GPSM1: variants seen among roughly 807,000 people sequenced by gnomAD.
GPSM1 encodes the protein G protein-signaling modulator 1.
GPSM1 carries 48 observed loss-of-function variants against 70.5 expected under a neutral mutation model. That is an observed-to-expected ratio of 0.68 (90% CI 0.54 to 0.87). The LOEUF (loss-of-function observed/expected upper bound fraction) is 0.87. GPSM1 is among the 40% of genes least tolerant of loss of function. GPSM1 has a pLI of 0.00. For synonymous variants in GPSM1, 416 were observed against 430.1 expected, an observed-to-expected ratio of 0.97 and a Z score of 0.41; for missense variants, 981 against 972.6, an observed-to-expected ratio of 1.01 and a Z score of -0.11.
rs201621587 is a variant in GPSM1 at position 136,353,153 on chromosome 9, C to T, written c.1456-2537C>T. 1.2e-5 allele frequency: 12 copies of T among 978,384 alleles called. No homozygotes were observed. In the East Asian group the frequency reaches 5.6e-4, roughly 46 times the overall value. The allele number at this position is 978,384 out of a possible 1,614,324, so 60.6% of individuals were successfully genotyped here. ...GCTGCTGTGGAGACAGCCTGTGATCCGCGTGAGTCTGGGGTCCCTGGGGTC... is the reference window on the plus strand; with the variant it reads ...GCTGCTGTGGAGACAGCCTGTGATCTGCGTGAGTCTGGGGTCCCTGGGGTC... On this transcript the variant is annotated intron_variant, in intron 11 of 13. Coordinates refer to ENST00000440944, the MANE Select transcript of GPSM1 (RefSeq NM_001145638.3).
intron 1 of GPSM1, 111 bp from the exon 2 acceptor site, chr9:136,334,336 T>C (rs1832174395): frequency 7.0e-6 from 5 of 710,448 alleles, no homozygotes; most frequent in Non-Finnish European, 9.6e-6. Flanking sequence ...ACAGATGTGG[T>C]GTGTGCCCTA....
Position 136,341,060 on chromosome 9 carries a change from G to C in GPSM1, c.1207+67G>C. The C allele has an allele frequency of 6.4e-7, 1 of 1,552,568 alleles. No homozygotes were observed. Among genetic ancestry groups the C allele is most frequent in the Non-Finnish European group, 8.7e-7 (1 of 1,148,212 alleles). On this transcript the variant is annotated intron_variant, in intron 9 of 13. Coordinates refer to ENST00000440944, the MANE Select transcript of GPSM1 (RefSeq NM_001145638.3). The surrounding 1 kb of genome is among the most constrained non-coding windows in gnomAD (Gnocchi z 6.7). Reference sequence around the variant, plus strand: ...ACGGACCGCATCAGGAGCTGCGGAGGGGTGGGATCGAGGCCAGGCCAGCAT... The same window carrying C: ...ACGGACCGCATCAGGAGCTGCGGAGCGGTGGGATCGAGGCCAGGCCAGCAT...
rs1832913641 is a variant in GPSM1 at position 136,358,665 on chromosome 9, C to T, written c.*445C>T. 1.3e-5 allele frequency: 3 copies of T among 229,250 alleles called. No individual in the cohort carries two copies. Among genetic ancestry groups the T allele is most frequent in the South Asian group, 1.2e-4 (2 of 16,956 alleles). 14.2% of individuals were successfully genotyped at this position (229,250 alleles called of 1,614,324 possible). ...CCCCCAGAGCTGGTCTTGGGATGGC[C>T]GTGTGACAGGCATGCTCCACCCCTC... On this transcript the variant is annotated 3_prime_UTR_variant, in exon 14 of 14. Transcript: ENST00000440944.
chr9:136,332,462 G>A (rs1832123926), intron 1 of GPSM1, among the ~76,000 whole-genome samples: 3 of 152,234 alleles, frequency 2.0e-5, no homozygotes, highest in Admixed American at 2.0e-4. Flanking sequence ...TCAGATCTGC[G>A]GAGCAGCAGC....
At chr9:136,353,574 C>G (rs1554772483) in intron 11 of GPSM1, among the ~76,000 whole-genome samples, 2 of 152,206 alleles carry the variant, frequency 1.3e-5, no homozygotes, top group Non-Finnish European at 2.9e-5. Context: ...GTGAGGGAGG[C>G]ATCAGCCCCT....
At chr9:136,329,476 C>T (rs1346343894) in intron 1 of GPSM1, among the ~76,000 whole-genome samples, 5 of 152,216 alleles carry the variant, frequency 3.3e-5, no homozygotes, top group African/African-American at 1.2e-4. Flanking sequence ...GAAAAGTCTC[C>T]TGTCTCCTGA....
At chr9:136,337,997 G>A (rs1554769586) in intron 6 of GPSM1, 36 bp downstream of exon 6, 3 of 1,366,372 alleles carry the variant, frequency 2.2e-6, no homozygotes, top group Non-Finnish European at 2.1e-6. Flanking sequence ...GGAGACAGCA[G>A]GCCGGGGGGG....
Position 136,343,788 on chromosome 9 carries a change from G to A in GPSM1, c.1207+2795G>A, listed in dbSNP as rs2131404215. Among the ~76,000 whole-genome samples, 1 of 152,332 alleles carries A rather than the reference G, an allele frequency of 6.6e-6. No homozygotes were observed. Among genetic ancestry groups the A allele is most frequent in the Middle Eastern group, 3.4e-3 (1 of 294 alleles). On this transcript the variant is annotated intron_variant, in intron 9 of 13. Transcript: ENST00000440944. This position sits in a 1 kb window ranked among gnomAD's most constrained non-coding sequence, Gnocchi z 6.0. ...TAAGCCTGTTGCGTTCGGGCCCTGG[G>A]TGGACGAGGCAGGTGTGGCTGCAGC...
chr9:136,344,918 C>T (rs1342184649), intron 9 of GPSM1, among the ~76,000 whole-genome samples: 3 of 152,204 alleles, frequency 2.0e-5, no homozygotes, highest in African/African-American at 7.2e-5. Context: ...CAGCCCTTAC[C>T]AACCCCATGG....
chr9:136,347,720 A>G (rs896493119), intron 9 of GPSM1, among the ~76,000 whole-genome samples: 5 of 128,108 alleles, frequency 3.9e-5, no homozygotes, highest in African/African-American at 1.4e-4. Flanking sequence ...CACTTCCCGG[A>G]TTCCATCCCA....
At position 136,341,027 on chromosome 9, in the gene GPSM1, C is replaced by T. The variant is rs782324273; in HGVS notation, c.1207+34C>T. 57 of 1,563,098 alleles carry T rather than the reference C, an allele frequency of 3.6e-5. 1 individual carries two copies. In the East Asian group the frequency reaches 6.0e-4, roughly 16 times the overall value. ...CAGGGTTGTGGGGGGGTCTTGCTCC[C>T]CACAGGCACGGACCGCATCAGGAGC... On this transcript the variant is annotated intron_variant, in intron 9 of 13. Coordinates refer to ENST00000440944, the MANE Select transcript of GPSM1 (RefSeq NM_001145638.3). The surrounding 1 kb of genome is among the most constrained non-coding windows in gnomAD (Gnocchi z 6.7).
intron 1 of GPSM1, among the ~76,000 whole-genome samples, chr9:136,328,000 G>T (rs1832018214): frequency 1.3e-5 from 2 of 151,966 alleles, no homozygotes; most frequent in African/African-American, 4.8e-5. Context: ...GGGGCTGGAG[G>T]CGGGGTGGGC....
At chr9:136,348,311 G>A (rs1398211636) in intron 9 of GPSM1, among the ~76,000 whole-genome samples, 1 of 152,196 alleles carries the variant, frequency 6.6e-6, no homozygotes, top group African/African-American at 2.4e-5. Context: ...CAGGAGGGGG[G>A]ATTGGGTGGC....
chr9:136,337,296 C>T (rs1832265372), intron 4 of GPSM1, 145 bp from the exon 5 acceptor site: 27 of 1,308,816 alleles, frequency 2.1e-5, no homozygotes, highest in Middle Eastern at 2.5e-4. Flanking sequence ...TCTCAGAGCT[C>T]GAGGACCCTG....
rs144234643 is a variant in GPSM1 at position 136,356,422 on chromosome 9, G to A, written c.1693G>A (p.Asp565Asn). The A allele has an allele frequency of 1.2e-4, 197 of 1,610,206 alleles. No individual in the cohort carries two copies. Among genetic ancestry groups the A allele is most frequent in the African/African-American group, 1.0e-3 (78 of 74,938 alleles). Residue 565 changes from aspartate to asparagine, a missense_variant, in exon 13 of 14, where the codon GAC (aspartate) becomes AAC (asparagine). Transcript: ENST00000440944. ...IASSQSRRLD[D>N]QRASVGSLPG... The stretch of plus-strand genomic sequence containing the variant: ...CAGCTCCCAGAGCCGCCGGCTGGAC[G>A]ACCAGCGGGCCAGCGTGGGCAGCCT...
chr9:136,349,904 C>T, intron 11 of GPSM1, 141 bp downstream of exon 11: 1 of 756,522 alleles, frequency 1.3e-6, no homozygotes, highest in Non-Finnish European at 2.1e-6. Flanking sequence ...GCACCTGGTG[C>T]AGTGCTGTCC....
chr9:136,355,007 T>A, intron 11 of GPSM1: 1 of 1,082,368 alleles, frequency 9.2e-7, no homozygotes, highest in South Asian at 2.3e-5. Context: ...TCCGGGGCAG[T>A]CGGCGGGTGC....
rs1832427476 is a variant in GPSM1 at position 136,342,842 on chromosome 9, C to G, written c.1207+1849C>G. Among the ~76,000 whole-genome samples, 1 of 151,936 alleles carries G rather than the reference C, an allele frequency of 6.6e-6. No homozygotes were observed. The highest frequency in any genetic ancestry group is 2.1e-4 in the South Asian group (1 of 4,818). On this transcript the variant is annotated intron_variant, in intron 9 of 13. Coordinates refer to ENST00000440944, the MANE Select transcript of GPSM1 (RefSeq NM_001145638.3). The surrounding 1 kb of genome is among the most constrained non-coding windows in gnomAD (Gnocchi z 5.5). ...GGCTGGGGGCACAGGAGGGCGCTGC[C>G]CAGCGGGGTGTGGGCAGGGAGGAGG...
intron 1 of GPSM1, 93 bp from the exon 2 acceptor site, chr9:136,334,354 C>G: frequency 2.4e-6 from 2 of 837,160 alleles, no homozygotes; most frequent in South Asian, 1.6e-5. Flanking sequence ...CTAGCCCACC[C>G]AGGGGCGTCG....
Sources: gnomAD v4.1 joint callset for allele counts (sites outside exome capture counted in the v4.1 genomes callset) on GRCh38, gnomAD v4.1.1 for gene constraint, Gnocchi (gnomAD v3.1) non-coding constraint, MANE v1.5 for transcripts, NCBI Gene and HGNC (gene_info 2026-07-23, HGNC 2026-07-21) for gene names.